ANKRD30B: variants seen among roughly 807,000 people sequenced by gnomAD.
ANKRD30B encodes ankyrin repeat domain 30B, also known as ankyrin repeat domain-containing protein 30B.
A neutral mutation model predicts 202.2 loss-of-function variants in ANKRD30B; 144 were observed. The ratio of observed to expected loss-of-function variants is 0.71; its 90% confidence interval spans 0.62 to 0.82. The LOEUF is 0.82. Ranked by LOEUF, ANKRD30B falls within the 40% of genes least tolerant of loss-of-function variation. The pLI is 0.00. For missense variants in ANKRD30B, 1,487 were observed against 1,669.1 expected, an observed-to-expected ratio of 0.89 and a Z score of 1.90; for synonymous variants, 508 against 561.3, an observed-to-expected ratio of 0.91 and a Z score of 1.34.
In ANKRD30B at chr18:14,822,667, A is replaced by T. The variant is rs1232034112; in HGVS notation, c.2733A>T (p.Thr911=). 2.1e-6 allele frequency: 3 copies of T among 1,411,306 alleles called. No homozygotes were observed. Among genetic ancestry groups the T allele is most frequent in the Non-Finnish European group, 2.9e-6 (3 of 1,051,464 alleles). 87.4% of individuals were successfully genotyped at this position (1,411,306 alleles called of 1,614,324 possible). ...CCTTAGAATTGAAGGACAGAGAAAC[A>T]TTCAAAGCAGGTAAATTTTGTAATT... ...NKALELKDRE[T]FKAEDVSSVE... is the part of the protein sequence containing the mutation. Residue 911 remains threonine (T), a synonymous_variant, in exon 32 of 44, where the codon ACA becomes ACT. Coordinates refer to ENST00000690538, the MANE Select transcript of ANKRD30B (RefSeq NM_001367607.2).
At chr18:14,922,248 C>T in the ANKRD30B span, among the ~76,000 whole-genome samples, 4 of 152,082 alleles carry the variant, frequency 2.6e-5, no homozygotes, top group African/African-American at 4.8e-5. Flanking sequence ...ACAGAGGGAG[C>T]ATTTACACCA....
At chr18:14,748,692 A>C in intron 1 of ANKRD30B, 52 bp downstream of exon 1, 1 of 1,465,138 alleles carries the variant, frequency 6.8e-7, no homozygotes. Flanking sequence ...CGGCTGTGGG[A>C]GGATCGCCCC....
the ANKRD30B span, among the ~76,000 whole-genome samples, chr18:14,919,593 C>A: frequency 1.3e-5 from 2 of 152,310 alleles, no homozygotes; most frequent in East Asian, 3.9e-4. Flanking sequence ...GACAGGTACC[C>A]CAGCCCTGGT....
At chr18:14,923,178 A>C in the ANKRD30B span, among the ~76,000 whole-genome samples, 11 of 152,292 alleles carry the variant, frequency 7.2e-5, no homozygotes, top group South Asian at 1.5e-3. Context: ...GCTCAGCCAC[A>C]CTGGGGTAGA....
the ANKRD30B span, among the ~76,000 whole-genome samples, chr18:14,919,128 C>T: frequency 6.6e-6 from 1 of 152,266 alleles, no homozygotes; most frequent in African/African-American, 2.4e-5. Context: ...GTCACCATCC[C>T]ATTTTGAAAT....
the ANKRD30B span, among the ~76,000 whole-genome samples, chr18:14,898,100 C>G: frequency 6.6e-6 from 1 of 152,164 alleles, no homozygotes; most frequent in Non-Finnish European, 1.5e-5. Context: ...TTCTATAGAT[C>G]TTTTGTGATA....
the ANKRD30B span, among the ~76,000 whole-genome samples, chr18:14,895,461 G>A: frequency 5.3e-5 from 8 of 152,266 alleles, no homozygotes; most frequent in East Asian, 1.5e-3. Flanking sequence ...CACATGGGAA[G>A]ACAATTTGGC....
chr18:14,752,897 T>C lies in ANKRD30B; in HGVS notation c.395T>C (p.Leu132Pro). Residue 132 changes from leucine to proline, a missense_variant, in exon 3 of 44, where the codon CTA (leucine) becomes CCA (proline). Leu to Pro is a moderately conservative substitution (Grantham distance 98, BLOSUM62 -3). This residue lies in a region of ANKRD30B where 889 missense variants were observed against 841.4 expected (regional missense o/e 1.06). Transcript: ENST00000690538. ...ANILIDAGAD[L>P]NYVDVYGNTA... ...ATTCTCATAGATGCTGGTGCTGATC[T>C]AAATTATGTAGATGTGTATGGCAAC... The C allele has an allele frequency of 6.2e-7, 1 of 1,607,062 alleles. No homozygotes were observed. Among genetic ancestry groups the C allele is most frequent in the Non-Finnish European group, 8.5e-7 (1 of 1,176,150 alleles).
Position 14,851,994 on chromosome 18 carries a change from A to C in ANKRD30B, c.4050A>C (p.Gln1350His), listed in dbSNP as rs1971903573. Residue 1350 changes from glutamine (Q) to histidine (H), a missense_variant, in exon 42 of 44, where the codon CAA becomes CAC. By Grantham distance (24) the Gln-to-His change is conservative. This residue lies in a region of ANKRD30B where 182 missense variants were observed against 216.0 expected (regional missense o/e 0.84). Transcript: ENST00000690538. ...TATATAACAATGAGGTGCTCCATCAACCACTTTATGAAGCTCAAAGGAAAT... is the reference window on the plus strand; with the variant it reads ...TATATAACAATGAGGTGCTCCATCACCCACTTTATGAAGCTCAAAGGAAAT... The part of the protein sequence containing the change: ...NTIYNNEVLH[Q>H]PLYEAQRKSK... The C allele has an allele frequency of 6.3e-7, 1 of 1,596,898 alleles. No homozygotes were observed. Among genetic ancestry groups the C allele is most frequent in the Non-Finnish European group, 8.5e-7 (1 of 1,170,740 alleles).
intron 32 of ANKRD30B, 145 bp from the exon 33 acceptor site, chr18:14,828,133 G>T: frequency 1.5e-6 from 1 of 646,902 alleles, no homozygotes; most frequent in Non-Finnish European, 2.7e-6. Flanking sequence ...TCAGACTCCT[G>T]GACCTCTCAG....
At chr18:14,920,151 G>T in the ANKRD30B span, among the ~76,000 whole-genome samples, 1 of 152,236 alleles carries the variant, frequency 6.6e-6, no homozygotes, top group Non-Finnish European at 1.5e-5. Context: ...TGACCATGTT[G>T]CCCCTTCCAG....
the ANKRD30B span, among the ~76,000 whole-genome samples, chr18:14,872,128 T>C: frequency 2.0e-5 from 3 of 152,136 alleles, no homozygotes; most frequent in Non-Finnish European, 4.4e-5. Context: ...GCTCACAAAC[T>C]TCACTGCCTT....
Position 14,850,345 on chromosome 18 carries a change from A to T in ANKRD30B, c.3527A>T (p.Asp1176Val). 2 of 1,573,728 alleles carry T rather than the reference A, an allele frequency of 1.3e-6. No individual in the cohort carries two copies. The highest frequency in any genetic ancestry group is 1.7e-6 in the Non-Finnish European group (2 of 1,165,556). ...CTTGAACAGACTCTCAGAATACAAG[A>T]TATAGAATTGAAAAGTGTAACAAGT... ...QQLEQTLRIQ[D>V]IELKSVTSNL... The change falls in exon 41 of 44, where the codon GAT (aspartate) becomes GTT (valine). Residue 1176 changes from aspartate to valine, a missense_variant. Asp to Val is a radical substitution (Grantham distance 152, BLOSUM62 -3). Transcript: ENST00000690538.
chr18:14,882,520 C>A, the ANKRD30B span, among the ~76,000 whole-genome samples: 4 of 152,110 alleles, frequency 2.6e-5, no homozygotes, highest in African/African-American at 9.7e-5. Flanking sequence ...GTTTTATGGC[C>A]TATCATATGG....
At chr18:14,757,237 A>G (rs1405858150) in intron 4 of ANKRD30B, among the ~76,000 whole-genome samples, 1 of 152,180 alleles carries the variant, frequency 6.6e-6, no homozygotes, top group Admixed American at 6.5e-5. Context: ...TAGCTTCCTC[A>G]CTTGATAGGT....
chr18:14,858,929 C>A (rs1343127168), downstream of ANKRD30B, among the ~76,000 whole-genome samples: 2 of 94,900 alleles, frequency 2.1e-5, no homozygotes, highest in Non-Finnish European at 4.3e-5. Context: ...TGGGCAGAGG[C>A]GCTCCTCACC....
intron 30 of ANKRD30B, chr18:14,817,121 A>G: frequency 6.6e-6 from 1 of 152,218 alleles, no homozygotes; most frequent in East Asian, 1.9e-4. Flanking sequence ...ACTTTGCACT[A>G]CGTTTAATTA....
the ANKRD30B span, among the ~76,000 whole-genome samples, chr18:14,907,018 G>A: frequency 1.3e-5 from 2 of 152,170 alleles, no homozygotes; most frequent in African/African-American, 4.8e-5. Flanking sequence ...GAAAGGAAAT[G>A]TCTCAGTTAA....
Position 14,786,808 on chromosome 18 carries a change from G to C in ANKRD30B, c.1673-231G>C, listed in dbSNP as rs149193935. 1.6e-4 allele frequency among the ~76,000 whole-genome samples: 25 copies of C among 152,292 alleles called. No homozygotes were observed. The East Asian group carries it at 4.4e-3, about 27-fold the overall frequency. On this transcript the variant is annotated intron_variant, in intron 14 of 43. Transcript: ENST00000690538. ...GTGAAGAAATAACTCATACAAGTTA[G>C]TCAAATTTCTATTTTTCTTCATTCT...
Sources: gnomAD v4.1 joint callset for allele counts (sites outside exome capture counted in the v4.1 genomes callset) on GRCh38, gnomAD v4.1.1 for gene constraint, gnomAD v4.1.1 regional missense constraint, MANE v1.5 for transcripts, NCBI Gene and HGNC (gene_info 2026-07-23, HGNC 2026-07-21) for gene names.